The following GALNTL6 variants were observed in gnomAD, a reference collection of about 807,000 sequenced individuals.
GALNTL6 encodes polypeptide N-acetylgalactosaminyltransferase-like 6.
Under a neutral mutation model 73.7 loss-of-function variants are expected in GALNTL6, and 46 were observed. The observed-to-expected ratio is 0.62, with a 90% CI of 0.49 to 0.80. The LOEUF (loss-of-function observed/expected upper bound fraction) is 0.80. Among genes scored for constraint, GALNTL6 ranks in the 30% least tolerant of loss-of-function variants. GALNTL6 has a pLI of 0.00. For missense variants in GALNTL6, 604 were observed against 755.0 expected, an observed-to-expected ratio of 0.80 and a Z score of 2.34; for synonymous variants, 259 against 263.7, an observed-to-expected ratio of 0.98 and a Z score of 0.17.
chr4:172,647,068 T>A (rs1392571646), intron 5 of GALNTL6, among the ~76,000 whole-genome samples: 2 of 152,062 alleles, frequency 1.3e-5, no homozygotes. Flanking sequence ...TGTAGAGGTT[T>A]CCTAGGTAGG....
At chr4:172,631,309 T>C (rs1486407303) in intron 5 of GALNTL6, among the ~76,000 whole-genome samples, 3 of 152,060 alleles carry the variant, frequency 2.0e-5, no homozygotes, top group Non-Finnish European at 4.4e-5. Flanking sequence ...CATGCCTGGC[T>C]GATTTTTTGT....
At chr4:172,953,232 A>T (rs1749547112) in intron 10 of GALNTL6, among the ~76,000 whole-genome samples, 1 of 152,222 alleles carries the variant, frequency 6.6e-6, no homozygotes, top group Admixed American at 6.5e-5. Flanking sequence ...AGACTATTGC[A>T]CTGGGTTCGG....
chr4:171,993,958 G>C (rs7682225), intron 2 of GALNTL6, among the ~76,000 whole-genome samples: 1,670 of 151,976 alleles, frequency 0.011, 25 homozygotes, highest in African/African-American at 0.036. Context: ...GGGGTTGGAG[G>C]ACAAAATTTT....
intron 5 of GALNTL6, among the ~76,000 whole-genome samples, chr4:172,516,634 A>G (rs79140590): frequency 0.029 from 4,344 of 152,256 alleles, 86 homozygotes; most frequent in Middle Eastern, 0.068. Flanking sequence ...TTACCTCAAT[A>G]GTGCTGAAAA....
At chr4:172,562,784 A>G (rs1362414958) in intron 5 of GALNTL6, among the ~76,000 whole-genome samples, 1 of 152,186 alleles carries the variant, frequency 6.6e-6, no homozygotes, top group South Asian at 2.1e-4. Context: ...ATATACTTCA[A>G]AATTTAGAGT....
intron 5 of GALNTL6, among the ~76,000 whole-genome samples, chr4:172,588,985 T>A (rs1737534218): frequency 6.6e-6 from 1 of 152,228 alleles, no homozygotes; most frequent in African/African-American, 2.4e-5. Flanking sequence ...AAATATTTTA[T>A]GTGCTCAAAT....
chr4:172,385,075 T>C (rs575934888), intron 5 of GALNTL6, among the ~76,000 whole-genome samples: 3 of 151,796 alleles, frequency 2.0e-5, no homozygotes, highest in African/African-American at 7.2e-5. Context: ...GTTCTTTAAT[T>C]TTCATACGTT....
intron 2 of GALNTL6, among the ~76,000 whole-genome samples, chr4:171,891,342 T>C (rs1290929072): frequency 6.6e-6 from 1 of 152,220 alleles, no homozygotes. Context: ...AGTCTGTTTC[T>C]TCAATCCTTT....
intron 5 of GALNTL6, among the ~76,000 whole-genome samples, chr4:172,472,274 A>G (rs1036017717): frequency 1.3e-5 from 2 of 152,130 alleles, no homozygotes; most frequent in Non-Finnish European, 2.9e-5. Context: ...TATTATCTCC[A>G]TTTTGCAGAA....
intron 10 of GALNTL6, among the ~76,000 whole-genome samples, chr4:172,999,062 C>A (rs1305669782): frequency 6.6e-6 from 1 of 150,948 alleles, no homozygotes; most frequent in Non-Finnish European, 1.5e-5. Flanking sequence ...GCAGCAACTC[C>A]AAAAAACAAT....
intron 2 of GALNTL6, among the ~76,000 whole-genome samples, chr4:171,979,770 C>T (rs1294629619): frequency 3.9e-5 from 6 of 152,296 alleles, no homozygotes; most frequent in South Asian, 2.1e-4. Flanking sequence ...GGCCAGGTTC[C>T]GAGCCAAGCT....
chr4:171,831,413 G>A (rs552903790), intron 2 of GALNTL6, among the ~76,000 whole-genome samples: 1 of 152,070 alleles, frequency 6.6e-6, no homozygotes, highest in Admixed American at 6.6e-5. Flanking sequence ...TTGGTGAAAT[G>A]ATTCTACAAC....
chr4:172,868,449 A>G (rs1744767580), intron 7 of GALNTL6, among the ~76,000 whole-genome samples: 1 of 152,256 alleles, frequency 6.6e-6, no homozygotes, highest in Non-Finnish European at 1.5e-5. Flanking sequence ...GAAAGAATCC[A>G]GGCAGTTGAA....
chr4:172,864,114 G>A (rs1744540265), intron 7 of GALNTL6, among the ~76,000 whole-genome samples: 1 of 152,180 alleles, frequency 6.6e-6, no homozygotes, highest in African/African-American at 2.4e-5. Context: ...CAGCCATGTG[G>A]AACTGTGAGT....
chr4:172,196,599 C>T lies in GALNTL6; in HGVS notation c.139-33057C>T, dbSNP rs896408363. On this transcript the variant is annotated intron_variant, in intron 2 of 12. Coordinates refer to ENST00000506823, the MANE Select transcript of GALNTL6 (RefSeq NM_001034845.3). ...AGCACATTAAAAAGCTTATCCACCA[C>T]GATCAAGTCAGCTTCATCCTCAATG... Among the ~76,000 whole-genome samples the T allele has an allele frequency of 2.6e-5, 4 of 152,090 alleles. No individual in the cohort carries two copies. In the East Asian group the frequency reaches 5.8e-4, roughly 22 times the overall value.
chr4:171,843,112 A>T (rs145088596), intron 2 of GALNTL6, among the ~76,000 whole-genome samples: 2 of 152,256 alleles, frequency 1.3e-5, no homozygotes, highest in South Asian at 2.1e-4. Context: ...TGCTAGAATG[A>T]TGGAATAATA....
chr4:172,445,774 T>C (rs990321934), intron 5 of GALNTL6, among the ~76,000 whole-genome samples: 1 of 152,208 alleles, frequency 6.6e-6, no homozygotes, highest in Non-Finnish European at 1.5e-5. Flanking sequence ...TGTATGAGTG[T>C]GTTTTCTCTC....
At chr4:172,226,661 C>T (rs1221293984) in intron 2 of GALNTL6, among the ~76,000 whole-genome samples, 1 of 149,564 alleles carries the variant, frequency 6.7e-6, no homozygotes, top group East Asian at 2.0e-4. Context: ...CTCTCCTTTC[C>T]CTTATACAGT....
chr4:172,582,095 T>G (rs1167804644), intron 5 of GALNTL6, among the ~76,000 whole-genome samples: 1 of 152,124 alleles, frequency 6.6e-6, no homozygotes, highest in Non-Finnish European at 1.5e-5. Flanking sequence ...AGCTCTTGAT[T>G]TAGAAAATTT....
Sources: gnomAD v4.1 joint callset for allele counts (sites outside exome capture counted in the v4.1 genomes callset) on GRCh38, gnomAD v4.1.1 for gene constraint, MANE v1.5 for transcripts, NCBI Gene and HGNC (gene_info 2026-07-23, HGNC 2026-07-21) for gene names.